The following RASA1 variants were observed in gnomAD, a reference collection of about 807,000 sequenced individuals.
The protein encoded by RASA1 is ras GTPase-activating protein 1.
A neutral mutation model predicts 132.2 loss-of-function variants in RASA1; 25 were observed. The observed-to-expected ratio is 0.19, with a 90% CI of 0.14 to 0.26. The LOEUF (loss-of-function observed/expected upper bound fraction) is 0.26. Ranked by LOEUF, RASA1 falls within the 10% of genes least tolerant of loss-of-function variation. The probability of loss-of-function intolerance (pLI) is 1.00; values close to 1 mark genes in which losing one functional copy is unlikely to be tolerated. For missense variants in RASA1, 964 were observed against 1,299.2 expected, an observed-to-expected ratio of 0.74 and a Z score of 3.97; for synonymous variants, 477 against 449.9, an observed-to-expected ratio of 1.06 and a Z score of -0.76.
At chr5:87,338,115 A>G (rs1161924149) in intron 5 of RASA1, 24 bp downstream of exon 5, 1 of 1,610,826 alleles carries the variant, frequency 6.2e-7, no homozygotes, top group East Asian at 2.2e-5. Context: ...TTTTCTTCTC[A>G]ATTCTAGATT....
chr5:87,339,832 A>T (rs935937815), intron 5 of RASA1, among the ~76,000 whole-genome samples: 1 of 152,160 alleles, frequency 6.6e-6, no homozygotes, highest in African/African-American at 2.4e-5. Flanking sequence ...AATAACTTTC[A>T]TGATGGGCTT....
At chr5:87,346,891 A>C (rs1186344298) in intron 7 of RASA1, among the ~76,000 whole-genome samples, 167 bp downstream of exon 7, 1 of 152,048 alleles carries the variant, frequency 6.6e-6, no homozygotes, top group African/African-American at 2.4e-5. Flanking sequence ...TTTTAAACAT[A>C]CATGTGTTAT....
At chr5:87,384,190 G>A (rs995224101) in intron 21 of RASA1, among the ~76,000 whole-genome samples, 1 of 152,112 alleles carries the variant, frequency 6.6e-6, no homozygotes, top group African/African-American at 2.4e-5. Context: ...ATAGTATTCT[G>A]TGAGTACTTA....
chr5:87,346,806 C>A, intron 7 of RASA1, 82 bp downstream of exon 7: 1 of 1,104,006 alleles, frequency 9.1e-7, no homozygotes, highest in Non-Finnish European at 1.4e-6. Flanking sequence ...TGTGTTTTGC[C>A]TTTAGCATTC....
At chr5:87,342,799 C>A (rs1041717234) in intron 6 of RASA1, among the ~76,000 whole-genome samples, 1 of 151,902 alleles carries the variant, frequency 6.6e-6, no homozygotes, top group Admixed American at 6.6e-5. Flanking sequence ...GTTGTTAGAT[C>A]CTTCTGATTT....
chr5:87,329,288 A>AAAG (rs111530651), intron 1 of RASA1, among the ~76,000 whole-genome samples: 4 of 151,894 alleles, frequency 2.6e-5, no homozygotes, highest in African/African-American at 9.7e-5. Context: ...CTCCAAAAAA[A>AAAG]AAAAAAAGCT....
chr5:87,338,536 A>ATATATATATATATATATATATATATTTT, intron 5 of RASA1, among the ~76,000 whole-genome samples: 2 of 85,216 alleles, frequency 2.3e-5, no homozygotes, highest in East Asian at 4.9e-4. Context: ...TATATATAAA[A>ATATATATATATATATATATATATATTTT]TTTTTTTTTT....
intron 6 of RASA1, among the ~76,000 whole-genome samples, chr5:87,345,211 A>C (rs528161382): frequency 2.6e-5 from 4 of 152,282 alleles, no homozygotes; most frequent in African/African-American, 9.6e-5. Context: ...TGTGGTTGAA[A>C]TATATAAATT....
intron 7 of RASA1, among the ~76,000 whole-genome samples, 193 bp downstream of exon 7, chr5:87,346,917 G>A (rs1416429626): frequency 2.6e-5 from 4 of 151,920 alleles, no homozygotes; most frequent in African/African-American, 7.2e-5. Context: ...TTAGTCAAGT[G>A]TGTTTTTCTT....
intron 1 of RASA1, among the ~76,000 whole-genome samples, chr5:87,321,308 C>G (rs1756787599): frequency 6.6e-6 from 1 of 152,188 alleles, no homozygotes; most frequent in Non-Finnish European, 1.5e-5. Flanking sequence ...CAGTATTTCT[C>G]CCTGCCAAAT....
chr5:87,348,248 G>A (rs945956385), intron 7 of RASA1, among the ~76,000 whole-genome samples: 3 of 151,896 alleles, frequency 2.0e-5, no homozygotes, highest in African/African-American at 7.3e-5. Flanking sequence ...TGAACATGAA[G>A]TTACTTCATA....
intron 1 of RASA1, among the ~76,000 whole-genome samples, chr5:87,297,651 G>C (rs1232667104): frequency 6.6e-6 from 1 of 152,290 alleles, no homozygotes; most frequent in South Asian, 2.1e-4. Flanking sequence ...TTCTGTTCAA[G>C]GCAGGCCTTG....
At position 87,331,649 on chromosome 5, in the gene RASA1, TAGAG is replaced by T. The variant is rs1020185766; in HGVS notation, c.692+153_692+156del. The T allele has an allele frequency of 2.9e-5, 27 of 944,904 alleles. No individual in the cohort carries two copies. In the Middle Eastern group the frequency reaches 9.9e-4, roughly 35 times the overall value. The allele number at this position is 944,904 out of a possible 1,614,324, so 58.5% of individuals were successfully genotyped here. On this transcript the variant is annotated intron_variant, in intron 2 of 24. Coordinates refer to ENST00000274376, the MANE Select transcript of RASA1 (RefSeq NM_002890.3). Reference sequence around the variant, plus strand: ...CAGTCAAATGATTTAATCAGTGATTTAGAGAGATTCTTTTGAATGTTTACATTTT... The same window carrying T: ...CAGTCAAATGATTTAATCAGTGATTTAGATTCTTTTGAATGTTTACATTTT...
intron 9 of RASA1, among the ~76,000 whole-genome samples, chr5:87,356,056 G>T (rs2112439057): frequency 6.6e-6 from 1 of 152,188 alleles, no homozygotes; most frequent in East Asian, 1.9e-4. Flanking sequence ...CTCCTGTGAA[G>T]ATCCTGTGAT....
At chr5:87,278,628 A>G (rs1400244708) in intron 1 of RASA1, among the ~76,000 whole-genome samples, 2 of 152,190 alleles carry the variant, frequency 1.3e-5, no homozygotes, top group Non-Finnish European at 2.9e-5. Context: ...TTGCATAACT[A>G]TAGTGCAGTA....
intron 1 of RASA1, among the ~76,000 whole-genome samples, chr5:87,292,376 T>C (rs1260503368): frequency 2.0e-5 from 3 of 151,392 alleles, no homozygotes; most frequent in Non-Finnish European, 4.4e-5. Context: ...TCTTTTTTTT[T>C]TTTTTTTTGT....
At chr5:87,281,786 G>T (rs201870584) in intron 1 of RASA1, among the ~76,000 whole-genome samples, 1 of 152,082 alleles carries the variant, frequency 6.6e-6, no homozygotes, top group Non-Finnish European at 1.5e-5. Flanking sequence ...TCACCATGTT[G>T]GCCAGGATGG....
At chr5:87,337,453 A>C (rs76173087) in intron 4 of RASA1, among the ~76,000 whole-genome samples, 1 of 152,194 alleles carries the variant, frequency 6.6e-6, no homozygotes, top group East Asian at 1.9e-4. Flanking sequence ...TTTTTATAAG[A>C]AAAATGTTAA....
At chr5:87,385,190 G>GA (rs1761983595) in intron 21 of RASA1, 111 bp from the exon 22 acceptor site, 2 of 751,820 alleles carry the variant, frequency 2.7e-6, no homozygotes, top group Admixed American at 2.0e-5. Context: ...CCGAATGGAA[G>GA]AATGGGTAGT....
Sources: gnomAD v4.1 joint callset for allele counts (sites outside exome capture counted in the v4.1 genomes callset) on GRCh38, gnomAD v4.1.1 for gene constraint, MANE v1.5 for transcripts, NCBI Gene and HGNC (gene_info 2026-07-23, HGNC 2026-07-21) for gene names.